NCOA2: variants seen among roughly 807,000 people sequenced by gnomAD.
The protein encoded by NCOA2 is nuclear receptor coactivator 2.
A neutral mutation model predicts 145.1 loss-of-function variants in NCOA2; 21 were observed. The ratio of observed to expected loss-of-function variants is 0.14; its 90% CI spans 0.10 to 0.21. The LOEUF (loss-of-function observed/expected upper bound fraction) is 0.21, where lower values mean the gene tolerates loss of function less well. NCOA2 is among the 10% of genes least tolerant of loss of function. The pLI is 1.00. For synonymous variants in NCOA2, 619 were observed against 637.5 expected (o/e 0.97, Z 0.44); for missense variants, 1,472 against 1,837.6 (o/e 0.80, Z 3.64).
chr8:70,155,131 A>G (rs1240368082), intron 11 of NCOA2, among the ~76,000 whole-genome samples: 1 of 152,210 alleles, frequency 6.6e-6, no homozygotes, highest in East Asian at 1.9e-4. Flanking sequence ...TTTTCAGACA[A>G]TGAGAGCACA....
the NCOA2 span, among the ~76,000 whole-genome samples, chr8:70,449,660 G>A: frequency 1.2e-4 from 18 of 152,184 alleles, no homozygotes; most frequent in Admixed American, 1.2e-3. Flanking sequence ...AACTCAGCCA[G>A]CATCTGCAGA....
chr8:70,442,013 GGAAA>G, the NCOA2 span, among the ~76,000 whole-genome samples: 6 of 71,330 alleles, frequency 8.4e-5, no homozygotes, highest in South Asian at 4.4e-4. Context: ...AAGAAATAAA[GGAAA>G]GAAAGAAAGA....
chr8:70,263,597 G>GT (rs1586296473), intron 2 of NCOA2, among the ~76,000 whole-genome samples: 1 of 152,024 alleles, frequency 6.6e-6, no homozygotes, highest in East Asian at 1.9e-4. Context: ...ATCAATATCT[G>GT]TAAGTCAATA....
At chr8:70,196,250 T>C (rs1464304486) in intron 4 of NCOA2, among the ~76,000 whole-genome samples, 1 of 151,970 alleles carries the variant, frequency 6.6e-6, no homozygotes, top group Non-Finnish European at 1.5e-5. Context: ...GTGGTGCACG[T>C]CTGTAATCTC....
At chr8:70,217,535 G>A (rs142876850) in intron 2 of NCOA2, among the ~76,000 whole-genome samples, 128 of 152,238 alleles carry the variant, frequency 8.4e-4, no homozygotes, top group African/African-American at 2.8e-3. Flanking sequence ...CTTAAGATAT[G>A]CCCCAGAAGT....
intron 1 of NCOA2, among the ~76,000 whole-genome samples, chr8:70,342,802 CACACACACACACACACACAT>C (rs1367036596): frequency 2.0e-5 from 3 of 149,758 alleles, no homozygotes; most frequent in Admixed American, 6.6e-5. Flanking sequence ...CACACACACA[CACACACACACACACACACAT>C]CCCTACATGG....
chr8:70,232,506 G>C (rs910348927), intron 2 of NCOA2, among the ~76,000 whole-genome samples: 1 of 152,052 alleles, frequency 6.6e-6, no homozygotes, highest in Non-Finnish European at 1.5e-5. Flanking sequence ...CGTTCAATTT[G>C]ATTTTCCTCA....
intron 2 of NCOA2, among the ~76,000 whole-genome samples, chr8:70,231,491 T>C (rs184735967): frequency 3.9e-4 from 59 of 152,326 alleles, no homozygotes; most frequent in African/African-American, 1.3e-3. Flanking sequence ...CAAGGAGCTT[T>C]TGAAACCATA....
Position 70,390,296 on chromosome 8 carries a change from T to C in NCOA2, c.-77+13404A>G, listed in dbSNP as rs891122158. ...AACAATGACTCTAAGAGGACTTACT[T>C]TGAGTCAGAGGAGATAACTTCATTG... On this transcript the variant is annotated intron_variant, in intron 1 of 22. Transcript: ENST00000452400. Among the ~76,000 whole-genome samples, 4 of 152,310 alleles carry C rather than the reference T, an allele frequency of 2.6e-5. No individual in the cohort carries two copies. The East Asian group carries it at 7.7e-4, about 29-fold the overall frequency.
Position 70,252,580 on chromosome 8 carries a change from T to C in NCOA2, c.-19-35816A>G, listed in dbSNP as rs551893067. 3.2e-4 allele frequency among the ~76,000 whole-genome samples: 49 copies of C among 152,292 alleles called. 1 individual carries two copies. The highest frequency in any genetic ancestry group is 1.1e-3 in the African/African-American group (47 of 41,558). ...ACTCTACCATTCTCTGGTTCTCCTA[T>C]GTATTAACTTTTCCCAAATAGAGTC... is the stretch of plus-strand genomic sequence containing the variant. On this transcript the variant is annotated intron_variant, in intron 2 of 22. Transcript: ENST00000452400.
At chr8:70,383,052 T>C (rs955779383) in intron 1 of NCOA2, among the ~76,000 whole-genome samples, 6 of 152,212 alleles carry the variant, frequency 3.9e-5, no homozygotes, top group Admixed American at 2.6e-4. Context: ...TCAATTTTCA[T>C]ACCCACTGCA....
intron 2 of NCOA2, among the ~76,000 whole-genome samples, chr8:70,280,710 G>A (rs1402297297): frequency 6.6e-6 from 1 of 152,162 alleles, no homozygotes; most frequent in South Asian, 2.1e-4. Flanking sequence ...TAGAAAGAAC[G>A]ATATGACCAA....
intron 1 of NCOA2, among the ~76,000 whole-genome samples, chr8:70,355,306 GCA>G (rs1183545774): frequency 6.6e-6 from 1 of 152,198 alleles, no homozygotes; most frequent in Admixed American, 6.5e-5. Context: ...AACAAAGGAA[GCA>G]CAGTTACGAG....
chr8:70,391,756 G>A (rs1813224599), intron 1 of NCOA2, among the ~76,000 whole-genome samples: 1 of 152,130 alleles, frequency 6.6e-6, no homozygotes, highest in Admixed American at 6.5e-5. Flanking sequence ...GAAAGGGAGA[G>A]AACAAAATGC....
At chr8:70,129,904 A>AACG (rs1808894283) in intron 16 of NCOA2, among the ~76,000 whole-genome samples, 1 of 152,210 alleles carries the variant, frequency 6.6e-6, no homozygotes, top group Non-Finnish European at 1.5e-5. Flanking sequence ...TCCCAACCTC[A>AACG]GGTGATCTGC....
chr8:70,393,882 CT>C (rs1247845405), intron 1 of NCOA2, among the ~76,000 whole-genome samples: 1 of 152,238 alleles, frequency 6.6e-6, no homozygotes, highest in African/African-American at 2.4e-5. Context: ...TTCCAATGCC[CT>C]TCAACGTCCA....
intron 4 of NCOA2, among the ~76,000 whole-genome samples, chr8:70,183,262 G>A (rs754973184): frequency 2.0e-5 from 3 of 152,100 alleles, no homozygotes; most frequent in Non-Finnish European, 2.9e-5. Context: ...GGTGAGGCTC[G>A]AAGTCATCAC....
intron 1 of NCOA2, among the ~76,000 whole-genome samples, chr8:70,357,850 A>G (rs1010046380): frequency 3.3e-5 from 5 of 152,146 alleles, no homozygotes; most frequent in African/African-American, 9.7e-5. Context: ...CAGGAGTTCA[A>G]TACCAGCCTG....
chr8:70,434,228 A>G, the NCOA2 span, among the ~76,000 whole-genome samples: 1 of 152,232 alleles, frequency 6.6e-6, no homozygotes, highest in Non-Finnish European at 1.5e-5. Flanking sequence ...TCATCGGAAC[A>G]TATGTTCTGT....
Sources: allele counts gnomAD v4.1 joint callset (sites outside exome capture counted in the v4.1 genomes callset), GRCh38; gene constraint gnomAD v4.1.1; transcripts MANE v1.5; gene names NCBI Gene and HGNC (gene_info 2026-07-23, HGNC 2026-07-21).